Variants in PLPP1 observed in about 807,000 individuals in gnomAD.
PLPP1 encodes the protein phospholipid phosphatase 1, also known as lipid phosphate phosphohydrolase 1a.
PLPP1 carries 24 observed loss-of-function variants against 31.2 expected under a neutral mutation model. That is an observed-to-expected ratio of 0.77 (90% CI 0.56 to 1.08). The LOEUF (loss-of-function observed/expected upper bound fraction) is 1.08, where lower values mean the gene tolerates loss of function less well. PLPP1 is among the 50% of genes least tolerant of loss of function. The pLI is 0.00. For missense variants in PLPP1, 319 were observed against 342.7 expected, an observed-to-expected ratio of 0.93 and a Z score of 0.55; for synonymous variants, 146 against 126.3, an observed-to-expected ratio of 1.16 and a Z score of -1.05.
At chr5:55,531,532 C>T (rs1050355240) in intron 1 of PLPP1, among the ~76,000 whole-genome samples, 5 of 152,170 alleles carry the variant, frequency 3.3e-5, no homozygotes, top group African/African-American at 1.2e-4. Flanking sequence ...AATTATGAAC[C>T]ACTTTCACAA....
At chr5:55,463,303 G>A (rs1174811825) in intron 3 of PLPP1, among the ~76,000 whole-genome samples, 2 of 152,078 alleles carry the variant, frequency 1.3e-5, no homozygotes, top group Non-Finnish European at 2.9e-5. Context: ...ATATACCTAT[G>A]TAACAAACCT....
intron 4 of PLPP1, among the ~76,000 whole-genome samples, chr5:55,433,025 C>T (rs1751397488): frequency 6.6e-6 from 1 of 151,510 alleles, no homozygotes; most frequent in Admixed American, 6.6e-5. Flanking sequence ...AAGAAATAAA[C>T]GGACCAGGTG....
chr5:55,518,379 GA>G (rs912244223), intron 1 of PLPP1, among the ~76,000 whole-genome samples: 8 of 149,104 alleles, frequency 5.4e-5, no homozygotes, highest in African/African-American at 9.9e-5. Context: ...ATGTTGATAA[GA>G]AAAAAAAAAT....
At chr5:55,444,372 C>T (rs1371791252) in intron 3 of PLPP1, among the ~76,000 whole-genome samples, 3 of 152,280 alleles carry the variant, frequency 2.0e-5, no homozygotes, top group African/African-American at 4.8e-5. Context: ...TGAGCCACCG[C>T]GCCCGGCCCC....
At chr5:55,522,821 C>A (rs1368874124) in intron 1 of PLPP1, among the ~76,000 whole-genome samples, 3 of 152,270 alleles carry the variant, frequency 2.0e-5, no homozygotes, top group Non-Finnish European at 4.4e-5. Context: ...TGGGTTCACG[C>A]CATTCTCCTG....
intron 1 of PLPP1, among the ~76,000 whole-genome samples, chr5:55,523,033 T>C (rs1227023523): frequency 2.0e-5 from 3 of 152,198 alleles, no homozygotes; most frequent in Non-Finnish European, 4.4e-5. Context: ...ATGATTGTTT[T>C]TATAGACAAT....
chr5:55,431,997 C>A (rs1456712409), intron 4 of PLPP1, among the ~76,000 whole-genome samples: 1 of 152,186 alleles, frequency 6.6e-6, no homozygotes, highest in Non-Finnish European at 1.5e-5. Context: ...TCATCACTCA[C>A]TGTAACCTCA....
At position 55,529,559 on chromosome 5, in the gene PLPP1, AAT is replaced by A. The variant is rs1165556720; in HGVS notation, c.58+5011_58+5012del. Reference sequence around the variant, plus strand: ...TATTTCCTTCTAATAACAAAAAGAAAATATCTTTACAACAAGCTTTCACTTTT... The same window carrying A: ...TATTTCCTTCTAATAACAAAAAGAAAATCTTTACAACAAGCTTTCACTTTT... On this transcript the variant is annotated intron_variant, in intron 1 of 5. Transcript: ENST00000307259. Among the ~76,000 whole-genome samples the A allele has an allele frequency of 2.6e-5, 4 of 152,310 alleles. No individual in the cohort carries two copies. In the East Asian group the frequency reaches 7.7e-4, roughly 29 times the overall value.
At chr5:55,525,181 A>G (rs1189255120) in intron 1 of PLPP1, among the ~76,000 whole-genome samples, 1 of 152,214 alleles carries the variant, frequency 6.6e-6, no homozygotes, top group East Asian at 1.9e-4. Context: ...TATTTCTACT[A>G]ATATAATTAT....
chr5:55,459,342 T>TA (rs1752101060), intron 3 of PLPP1, among the ~76,000 whole-genome samples: 1 of 151,594 alleles, frequency 6.6e-6, no homozygotes, highest in Non-Finnish European at 1.5e-5. Context: ...ACAATTATAG[T>TA]TAGAGATTTC....
At chr5:55,516,110 T>G (rs1753550544) in intron 1 of PLPP1, among the ~76,000 whole-genome samples, 1 of 152,170 alleles carries the variant, frequency 6.6e-6, no homozygotes, top group Admixed American at 6.5e-5. Context: ...TCAGAACTAT[T>G]CTTGACATTT....
chr5:55,468,960 A>G (rs1752362611), intron 2 of PLPP1, among the ~76,000 whole-genome samples: 1 of 152,108 alleles, frequency 6.6e-6, no homozygotes, highest in Admixed American at 6.6e-5. Flanking sequence ...TTCAGGGAGG[A>G]TTGCTAGAGG....
intron 3 of PLPP1, among the ~76,000 whole-genome samples, chr5:55,464,986 T>C (rs1204087842): frequency 6.6e-6 from 1 of 152,076 alleles, no homozygotes; most frequent in Non-Finnish European, 1.5e-5. Context: ...CTAGTATCTA[T>C]TCTATTTTTT....
chr5:55,425,596 T>TTCAAG (rs1344876573), intron 5 of PLPP1: 2 of 447,708 alleles, frequency 4.5e-6, no homozygotes, highest in Non-Finnish European at 7.6e-6. Flanking sequence ...AATTAGTTTT[T>TTCAAG]TCAAGTCATA....
intron 1 of PLPP1, among the ~76,000 whole-genome samples, chr5:55,500,374 T>G (rs1251234622): frequency 1.3e-5 from 2 of 152,092 alleles, no homozygotes; most frequent in African/African-American, 4.8e-5. Context: ...CCACCACGCC[T>G]GGCCTAAAAT....
In PLPP1 at chr5:55,534,769, G is replaced by A. The variant is rs1323696711; in HGVS notation, c.-140C>T. ...TCCCAGCCGGAGGAGGAGAGCAGCC[G>A]AGGGCGGGCTGAGACCGGGCGGCGC... is the stretch of plus-strand genomic sequence containing the variant. On this transcript the variant is annotated 5_prime_UTR_variant, in exon 1 of 6. Coordinates refer to ENST00000307259, the MANE Select transcript of PLPP1 (RefSeq NM_003711.4). 2 of 902,128 alleles carry A rather than the reference G, an allele frequency of 2.2e-6. No individual in the cohort carries two copies. Among genetic ancestry groups the A allele is most frequent in the South Asian group, 1.9e-5 (1 of 52,962 alleles). The allele number at this position is 902,128 out of a possible 1,614,324, so 55.9% of individuals were successfully genotyped here. A position where few individuals can be genotyped will look rare whatever the true frequency, so the allele number is the denominator to read the frequency against.
intron 1 of PLPP1, among the ~76,000 whole-genome samples, chr5:55,522,219 T>TTCC (rs1753684870): frequency 6.6e-6 from 1 of 152,228 alleles, no homozygotes; most frequent in African/African-American, 2.4e-5. Context: ...GACAAAGATC[T>TTCC]TCCTTTCCTG....
intron 1 of PLPP1, among the ~76,000 whole-genome samples, chr5:55,522,328 T>C (rs1252163833): frequency 6.6e-6 from 1 of 152,244 alleles, no homozygotes; most frequent in Non-Finnish European, 1.5e-5. Flanking sequence ...TCCAGTATGA[T>C]ATAACCTCAT....
chr5:55,445,235 T>A (rs1751734006), intron 3 of PLPP1, among the ~76,000 whole-genome samples: 1 of 152,174 alleles, frequency 6.6e-6, no homozygotes, highest in Non-Finnish European at 1.5e-5. Flanking sequence ...CGACTGAGCA[T>A]TCTTCTATCT....
Sources: gnomAD v4.1 joint callset for allele counts (sites outside exome capture counted in the v4.1 genomes callset) on GRCh38, gnomAD v4.1.1 for gene constraint, MANE v1.5 for transcripts, NCBI Gene and HGNC (gene_info 2026-07-23, HGNC 2026-07-21) for gene names.